The following ADAMTS18 variants were observed in gnomAD, a reference collection of about 807,000 sequenced individuals.
The protein encoded by ADAMTS18 is A disintegrin and metalloproteinase with thrombospondin motifs 18.
Under a neutral mutation model 165.9 loss-of-function variants are expected in ADAMTS18, and 157 were observed. That is an observed-to-expected ratio of 0.95 (90% CI 0.83 to 1.08). The LOEUF is 1.08. ADAMTS18 is among the 50% of genes least tolerant of loss of function. The pLI is 0.00. For synonymous variants in ADAMTS18, 782 were observed against 578.2 expected (o/e 1.35, Z -5.06); for missense variants, 2,040 against 1,534.0 (o/e 1.33, Z -5.51).
intron 8 of ADAMTS18, 43 bp downstream of exon 8, chr16:77,359,275 C>T (rs752450215): frequency 4.6e-6 from 7 of 1,525,904 alleles, no homozygotes; most frequent in Admixed American, 1.7e-5. Context: ...ATGAATCACC[C>T]AACTAGTTTT....
chr16:77,362,100 C>A lies in ADAMTS18; in HGVS notation c.1216+5G>T. 1.2e-6 allele frequency: 2 copies of A among 1,613,960 alleles called. No individual in the cohort carries two copies. Among genetic ancestry groups the A allele is most frequent in the Non-Finnish European group, 1.7e-6 (2 of 1,179,968 alleles). On this transcript the variant is annotated splice_donor_5th_base_variant and intron_variant, in intron 7 of 22. Coordinates refer to ENST00000282849, the MANE Select transcript of ADAMTS18 (RefSeq NM_199355.4). ...GTGTGTGTGAAGGATCTGTTCATAC[C>A]ATACCTAGAGTGTCACATGGTTCAT...
chr16:77,329,544 A>G (rs1026477114), intron 12 of ADAMTS18, among the ~76,000 whole-genome samples: 1 of 152,200 alleles, frequency 6.6e-6, no homozygotes, highest in Admixed American at 6.5e-5. Flanking sequence ...GGCAGTATCT[A>G]GGGCAGAGTC....
chr16:77,427,588 G>T (rs371513540), intron 3 of ADAMTS18, among the ~76,000 whole-genome samples: 55 of 152,234 alleles, frequency 3.6e-4, no homozygotes, highest in Middle Eastern at 3.4e-3. Flanking sequence ...CAGATTATAA[G>T]GCCACCTGGT....
chr16:77,409,146 C>A (rs1172003833), intron 3 of ADAMTS18, among the ~76,000 whole-genome samples: 1 of 151,984 alleles, frequency 6.6e-6, no homozygotes, highest in African/African-American at 2.4e-5. Context: ...GGAACGTATC[C>A]TCTGAGGATA....
chr16:77,418,142 A>G (rs1567553327), intron 3 of ADAMTS18, among the ~76,000 whole-genome samples: 1 of 152,170 alleles, frequency 6.6e-6, no homozygotes, highest in Non-Finnish European at 1.5e-5. Flanking sequence ...CATCTATTAA[A>G]ACATTCCCAG....
rs762354060 is a variant in ADAMTS18, at chr16:77,431,490, T to A, written c.300A>T (p.Arg100=). 13 of 1,614,006 alleles carry A rather than the reference T, an allele frequency of 8.1e-6. No individual in the cohort carries two copies. The highest frequency in any genetic ancestry group is 1.3e-5 in the African/African-American group (1 of 74,900). ...GCAGTTCCTGTCCAAATGCTGAAAA[T>A]CGGTAGTGCAGGGAGCTTCTGGCAT... ...AQNARSSLHY[R]FSAFGQELHL... The change falls in exon 3 of 23, where the codon CGA becomes CGT. Residue 100 remains arginine (R), a synonymous_variant. Coordinates refer to ENST00000282849, the MANE Select transcript of ADAMTS18 (RefSeq NM_199355.4).
chr16:77,288,363 T>C (rs2055295654), intron 22 of ADAMTS18, among the ~76,000 whole-genome samples: 1 of 151,870 alleles, frequency 6.6e-6, no homozygotes, highest in Non-Finnish European at 1.5e-5. Flanking sequence ...CAGCATGGAC[T>C]AGGATGATCT....
chr16:77,294,575 C>T (rs1019280687), intron 19 of ADAMTS18, among the ~76,000 whole-genome samples: 1 of 152,198 alleles, frequency 6.6e-6, no homozygotes, highest in African/African-American at 2.4e-5. Flanking sequence ...TTAAATATCT[C>T]TTCGATGCTT....
At chr16:77,378,160 C>G (rs1340921208) in intron 3 of ADAMTS18, among the ~76,000 whole-genome samples, 9 of 151,050 alleles carry the variant, frequency 6.0e-5, no homozygotes, top group African/African-American at 2.2e-4. Context: ...TCCATCTCTA[C>G]TAAAATAAAA....
intron 3 of ADAMTS18, among the ~76,000 whole-genome samples, chr16:77,370,462 G>A (rs1017082344): frequency 7.2e-5 from 11 of 152,078 alleles, no homozygotes; most frequent in Non-Finnish European, 1.5e-4. Flanking sequence ...AAGAAATCAA[G>A]AAGGTGGCCA....
chr16:77,400,456 C>CTG (rs796918149), intron 3 of ADAMTS18, among the ~76,000 whole-genome samples: 11,392 of 110,560 alleles, frequency 0.1, 518 homozygotes, highest in East Asian at 0.17. Context: ...GTGTGTGTGT[C>CTG]TGTGTGTGTG....
chr16:77,339,598 T>TAAA (rs10634951), intron 11 of ADAMTS18, among the ~76,000 whole-genome samples: 87 of 146,928 alleles, frequency 5.9e-4, no homozygotes, highest in African/African-American at 1.2e-3. Context: ...CTTTTTCAAT[T>TAAA]AAAAAAAAAA....
Position 77,320,012 on chromosome 16 carries a change from GCGA to G in ADAMTS18, c.2366_2368del (p.Leu789_Ala790delinsPro), listed in dbSNP as rs2055964067. On this transcript the variant is annotated inframe_deletion, in exon 16 of 23. Transcript: ENST00000282849. ...ATACTTTTGACTGAGGCTTCGAACT[GCGA>G]GGTAACTGGAGGAAACCTGCAGCTC... is the stretch of plus-strand genomic sequence containing the variant. The G allele has an allele frequency of 6.2e-7, 1 of 1,614,036 alleles. No individual in the cohort carries two copies. Among genetic ancestry groups the G allele is most frequent in the Non-Finnish European group, 8.5e-7 (1 of 1,180,034 alleles).
At chr16:77,370,405 C>T (rs557650037) in intron 3 of ADAMTS18, among the ~76,000 whole-genome samples, 5 of 152,208 alleles carry the variant, frequency 3.3e-5, no homozygotes, top group South Asian at 4.1e-4. Context: ...AAAATCAACA[C>T]AAAACATCAG....
intron 3 of ADAMTS18, among the ~76,000 whole-genome samples, chr16:77,382,683 G>A (rs1413950801): frequency 6.6e-6 from 1 of 152,210 alleles, no homozygotes; most frequent in Non-Finnish European, 1.5e-5. Flanking sequence ...GGAAGCTTAA[G>A]GTTATCATTT....
In ADAMTS18 at chr16:77,370,369, G is replaced by A. The variant is rs149470674; in HGVS notation, c.496-2646C>T. ...ACAATCAAAAAACTATTAGAATAGA[G>A]GAACACAGTAGAGTTGTAGGACGCA... is the stretch of plus-strand genomic sequence containing the variant. On this transcript the variant is annotated intron_variant, in intron 3 of 22. Transcript: ENST00000282849. Among the ~76,000 whole-genome samples the A allele has an allele frequency of 2.0e-4, 31 of 152,272 alleles. No homozygotes were observed. The East Asian group carries it at 6.0e-3, about 29-fold the overall frequency.
chr16:77,418,957 T>C (rs2057565401), intron 3 of ADAMTS18, among the ~76,000 whole-genome samples: 1 of 152,190 alleles, frequency 6.6e-6, no homozygotes, highest in Non-Finnish European at 1.5e-5. Flanking sequence ...GAGATCAGCC[T>C]GGCCAACGTG....
intron 12 of ADAMTS18, among the ~76,000 whole-genome samples, chr16:77,329,256 C>T (rs1017752606): frequency 5.3e-5 from 8 of 152,070 alleles, no homozygotes; most frequent in African/African-American, 9.7e-5. Context: ...CAGGCATGTG[C>T]CACCATGCCT....
At chr16:77,363,559 T>A (rs532544560) in intron 6 of ADAMTS18, among the ~76,000 whole-genome samples, 3 of 150,906 alleles carry the variant, frequency 2.0e-5, no homozygotes, top group African/African-American at 7.3e-5. Flanking sequence ...TTAGTACTTA[T>A]GTACCATTAT....
Sources: allele counts gnomAD v4.1 joint callset (sites outside exome capture counted in the v4.1 genomes callset), GRCh38; gene constraint gnomAD v4.1.1; transcripts MANE v1.5; gene names NCBI Gene and HGNC (gene_info 2026-07-23, HGNC 2026-07-21).